ZNF385D: variants seen among roughly 807,000 people sequenced by gnomAD.
ZNF385D encodes zinc finger protein 659.
Under a neutral mutation model 35.8 loss-of-function variants are expected in ZNF385D, and 15 were observed. That is an observed-to-expected ratio of 0.42 (90% confidence interval 0.28 to 0.64). The LOEUF (loss-of-function observed/expected upper bound fraction) is 0.64. Among genes scored for constraint, ZNF385D ranks in the 30% least tolerant of loss-of-function variants. The pLI, the probability that ZNF385D is intolerant of heterozygous loss-of-function variation, is 0.23. For missense variants in ZNF385D, 474 were observed against 494.6 expected (o/e 0.96, Z 0.39); for synonymous variants, 212 against 186.8 (o/e 1.13, Z -1.10).
At chr3:21,925,627 G>C (rs1040449049) in intron 3 of ZNF385D, among the ~76,000 whole-genome samples, 2 of 152,082 alleles carry the variant, frequency 1.3e-5, no homozygotes, top group Non-Finnish European at 2.9e-5. Flanking sequence ...AGATAAATTG[G>C]ACTTCATCAA....
intron 1 of ZNF385D, among the ~76,000 whole-genome samples, chr3:21,732,907 T>A (rs572923979): frequency 1.3e-5 from 2 of 152,332 alleles, no homozygotes; most frequent in South Asian, 2.1e-4. Flanking sequence ...AAGTCCCGCT[T>A]ATCAATTCCG....
chr3:22,130,288 G>T (rs1703699830), intron 3 of ZNF385D, among the ~76,000 whole-genome samples: 1 of 152,096 alleles, frequency 6.6e-6, no homozygotes, highest in African/African-American at 2.4e-5. Flanking sequence ...TATCCCCTTA[G>T]CCAACCCAGC....
At chr3:22,014,743 G>A (rs895259213) in intron 3 of ZNF385D, among the ~76,000 whole-genome samples, 1 of 152,028 alleles carries the variant, frequency 6.6e-6, no homozygotes, top group African/African-American at 2.4e-5. Context: ...GCTAAGAATT[G>A]TGATTAAATA....
intron 3 of ZNF385D, among the ~76,000 whole-genome samples, chr3:22,157,108 T>A (rs1400385964): frequency 6.6e-6 from 1 of 152,156 alleles, no homozygotes; most frequent in Non-Finnish European, 1.5e-5. Context: ...TGTAACATCA[T>A]GAATATGCGT....
intron 3 of ZNF385D, among the ~76,000 whole-genome samples, chr3:21,773,192 T>C (rs1010673250): frequency 6.6e-6 from 1 of 151,890 alleles, no homozygotes; most frequent in Admixed American, 6.6e-5. Flanking sequence ...TGAAAAGTGG[T>C]TAAGATGGTA....
At chr3:21,482,250 G>A (rs1559334324) in intron 4 of ZNF385D, among the ~76,000 whole-genome samples, 1 of 151,728 alleles carries the variant, frequency 6.6e-6, no homozygotes, top group East Asian at 2.0e-4. Flanking sequence ...CTCTAAATCA[G>A]GAGTCAGTAA....
At chr3:21,880,227 A>G (rs1008853900) in intron 3 of ZNF385D, among the ~76,000 whole-genome samples, 2 of 151,976 alleles carry the variant, frequency 1.3e-5, no homozygotes, top group African/African-American at 4.8e-5. Flanking sequence ...ACTGCGTTAG[A>G]AACAGTTATA....
intron 2 of ZNF385D, among the ~76,000 whole-genome samples, chr3:21,636,142 C>A (rs1190584319): frequency 6.6e-6 from 1 of 151,652 alleles, no homozygotes; most frequent in Non-Finnish European, 1.5e-5. Flanking sequence ...ACACTGTTTT[C>A]CGTAGTGGTT....
At chr3:21,515,699 T>C (rs185724618) in intron 3 of ZNF385D, among the ~76,000 whole-genome samples, 2 of 152,346 alleles carry the variant, frequency 1.3e-5, no homozygotes, top group Non-Finnish European at 1.5e-5. Flanking sequence ...AAATTTAATA[T>C]ATAGTTTAAC....
chr3:22,297,157 T>C (rs915972632), intron 2 of ZNF385D, among the ~76,000 whole-genome samples: 1 of 152,044 alleles, frequency 6.6e-6, no homozygotes, highest in African/African-American at 2.4e-5. Context: ...CGCACTAGAA[T>C]ATGGTGGTAC....
chr3:22,363,169 C>CCTTGCCCACTGGAA (rs1354676361), intron 2 of ZNF385D, among the ~76,000 whole-genome samples: 18 of 151,942 alleles, frequency 1.2e-4, no homozygotes, highest in African/African-American at 4.4e-4. Flanking sequence ...ACTGCCTGGA[C>CCTTGCCCACTGGAA]CTTGCCCACT....
At chr3:22,050,767 A>C (rs1450893262) in intron 3 of ZNF385D, among the ~76,000 whole-genome samples, 2 of 152,218 alleles carry the variant, frequency 1.3e-5, no homozygotes. Context: ...TTGTTTAAAA[A>C]TTGTATATTT....
intron 3 of ZNF385D, among the ~76,000 whole-genome samples, chr3:21,899,963 A>G (rs140442100): frequency 4.5e-4 from 69 of 152,274 alleles, no homozygotes; most frequent in African/African-American, 1.6e-3. Context: ...GCTAGCTTCA[A>G]TGTCAGGTGA....
chr3:21,815,537 G>A (rs1645752890), intron 3 of ZNF385D, among the ~76,000 whole-genome samples: 1 of 152,288 alleles, frequency 6.6e-6, no homozygotes, highest in East Asian at 1.9e-4. Flanking sequence ...TACCATCAGA[G>A]AATACTATAA....
intron 2 of ZNF385D, among the ~76,000 whole-genome samples, chr3:21,565,925 T>TAAAC (rs2063130006): frequency 6.6e-6 from 1 of 152,206 alleles, no homozygotes; most frequent in African/African-American, 2.4e-5. Context: ...TTAATTCCCC[T>TAAAC]AAACAAGCCA....
At chr3:21,655,637 G>A (rs1427335090) in intron 2 of ZNF385D, among the ~76,000 whole-genome samples, 2 of 151,898 alleles carry the variant, frequency 1.3e-5, no homozygotes, top group Non-Finnish European at 1.5e-5. Context: ...GTCCCTTGAG[G>A]TATACCAAAT....
chr3:21,759,956 G>A (rs1408564882), intron 3 of ZNF385D, among the ~76,000 whole-genome samples: 1 of 152,192 alleles, frequency 6.6e-6, no homozygotes, highest in African/African-American at 2.4e-5. Context: ...GTAATTGAAA[G>A]TGTTTCCAAG....
chr3:22,039,490 T>C (rs746022738), intron 3 of ZNF385D, among the ~76,000 whole-genome samples: 21 of 152,126 alleles, frequency 1.4e-4, no homozygotes, highest in Non-Finnish European at 2.4e-4. Flanking sequence ...TTTTTCATCA[T>C]TCTCTCTTTA....
chr3:22,341,674 G>A (rs996545862), intron 2 of ZNF385D, among the ~76,000 whole-genome samples: 1 of 152,120 alleles, frequency 6.6e-6, no homozygotes, highest in Admixed American at 6.5e-5. Flanking sequence ...AAACAGAGTT[G>A]ATAGTCATAT....
Sources: allele counts gnomAD v4.1 joint callset (sites outside exome capture counted in the v4.1 genomes callset), GRCh38; gene constraint gnomAD v4.1.1; transcripts MANE v1.5; gene names NCBI Gene and HGNC (gene_info 2026-07-23, HGNC 2026-07-21).